ZNF99: variants seen among roughly 807,000 people sequenced by gnomAD.
The protein encoded by ZNF99 is zinc finger protein ENSP00000375192.
Under a neutral mutation model 12.8 loss-of-function variants are expected in ZNF99, and 8 were observed. That is an observed-to-expected ratio of 0.62 (90% CI 0.37 to 1.13). The LOEUF is 1.13. Ranked by LOEUF, ZNF99 falls within the 50% of genes most tolerant of loss-of-function variation. The probability of loss-of-function intolerance (pLI) is 0.02; values close to 1 mark genes in which losing one functional copy is unlikely to be tolerated. For missense variants in ZNF99, 1,007 were observed against 1,006.2 expected (o/e 1.00, Z -0.01); for synonymous variants, 318 against 319.0 (o/e 1.00, Z 0.03).
intron 3 of ZNF99, among the ~76,000 whole-genome samples, chr19:22,760,664 A>G (rs1302714081): frequency 6.6e-5 from 10 of 152,056 alleles, no homozygotes; most frequent in Non-Finnish European, 1.3e-4. Flanking sequence ...AAATGGCATG[A>G]ACCCGGGAGG....
chr19:22,754,538 G>C lies in ZNF99; in HGVS notation c.*2776C>G, dbSNP rs777375938. 1.9e-5 allele frequency: 8 copies of C among 428,546 alleles called. No individual in the cohort carries two copies. The highest frequency in any genetic ancestry group is 3.2e-5 in the Non-Finnish European group (7 of 217,690). 26.5% of individuals were successfully genotyped at this position (428,546 alleles called of 1,614,324 possible). A position where few individuals can be genotyped will look rare whatever the true frequency, so the allele number is the denominator to read the frequency against. ...TCTCTTATATTTAGTATGAGTTGAA[G>C]ACCAGTTAAAGACTTTGTTACATTC... On this transcript the variant is annotated 3_prime_UTR_variant, in exon 4 of 4. Coordinates refer to ENST00000596209, the MANE Select transcript of ZNF99 (RefSeq NM_001080409.3).
At chr19:22,782,949 T>C (rs1379698742) in intron 1 of ZNF99, among the ~76,000 whole-genome samples, 3 of 152,030 alleles carry the variant, frequency 2.0e-5, no homozygotes, top group Non-Finnish European at 4.4e-5. Flanking sequence ...ATTACAGGTG[T>C]AAGCCACCGA....
At chr19:22,775,726 A>C (rs1452435788) in intron 1 of ZNF99, among the ~76,000 whole-genome samples, 1 of 152,234 alleles carries the variant, frequency 6.6e-6, no homozygotes, top group Non-Finnish European at 1.5e-5. Flanking sequence ...CAACCTCCTT[A>C]AAAGTAAACA....
At chr19:22,777,553 A>G (rs1348228799) in intron 1 of ZNF99, among the ~76,000 whole-genome samples, 9 of 152,312 alleles carry the variant, frequency 5.9e-5, no homozygotes, top group East Asian at 1.9e-4. Context: ...AAAAAACTCT[A>G]TGGGTGAAAG....
intron 1 of ZNF99, among the ~76,000 whole-genome samples, chr19:22,781,401 C>T (rs1262089751): frequency 9.7e-6 from 1 of 102,762 alleles, no homozygotes; most frequent in East Asian, 3.0e-4. Context: ...TCATTGGGGT[C>T]ACTTTTTTTT....
chr19:22,773,727 T>A (rs1482858201), intron 1 of ZNF99: 1 of 152,244 alleles, frequency 6.6e-6, no homozygotes, highest in African/African-American at 2.4e-5. Context: ...CCTCTCCCGC[T>A]TGCACTCTCC....
At chr19:22,783,400 T>C (rs753778772) in intron 1 of ZNF99, among the ~76,000 whole-genome samples, 2 of 152,142 alleles carry the variant, frequency 1.3e-5, no homozygotes, top group Non-Finnish European at 2.9e-5. Flanking sequence ...TCTGATTATA[T>C]AAACGGGAAA....
rs61754908 is a variant in ZNF99 at position 22,755,628 on chromosome 19, C to G, written c.*1686G>C. ...AATTCTTTAAATTTGTAGTGTTCCT[C>G]TCCAAGATAAATTATTTTATGTTGA... is the stretch of plus-strand genomic sequence containing the variant. On this transcript the variant is annotated 3_prime_UTR_variant, in exon 4 of 4. Coordinates refer to ENST00000596209, the MANE Select transcript of ZNF99 (RefSeq NM_001080409.3). The G allele has an allele frequency of 0.083, 23,370 of 280,060 alleles. 1,022 individuals carry two copies. Among genetic ancestry groups the G allele is most frequent in the Middle Eastern group, 0.1 (89 of 858 alleles). The allele number at this position is 280,060 out of a possible 1,614,324, so 17.3% of individuals were successfully genotyped here. A position where few individuals can be genotyped will look rare whatever the true frequency, so the allele number is the denominator to read the frequency against.
chr19:22,757,069 A>C lies in ZNF99; in HGVS notation c.*245T>G, dbSNP rs1973071783. The C allele has an allele frequency of 6.2e-7, 1 of 1,612,506 alleles. No homozygotes were observed. The highest frequency in any genetic ancestry group is 1.3e-5 in the African/African-American group (1 of 74,752). On this transcript the variant is annotated 3_prime_UTR_variant, in exon 4 of 4. Transcript: ENST00000596209. ...ATTTCTCCCTAGTATGAATTAGCTT[A>C]TGTTTCTTAAGGGTTGAGGAATTGT...
chr19:22,754,421 A>G lies in ZNF99; in HGVS notation c.*2893T>C, dbSNP rs752645962. 9 of 403,898 alleles carry G rather than the reference A, an allele frequency of 2.2e-5. No homozygotes were observed. Among genetic ancestry groups the G allele is most frequent in the South Asian group, 1.4e-4 (8 of 55,352 alleles). The allele number at this position is 403,898 out of a possible 1,614,324, so 25.0% of individuals were successfully genotyped here. A position where few individuals can be genotyped will look rare whatever the true frequency, so the allele number is the denominator to read the frequency against. ...TTCACATTTGTAGAATTTCTCTACA[A>G]CATAAATTATCTTATGTGTAATAAG... On this transcript the variant is annotated 3_prime_UTR_variant, in exon 4 of 4. Transcript: ENST00000596209.
At position 22,753,585 on chromosome 19, in the gene ZNF99, T is replaced by C. The variant is rs1809913133; in HGVS notation, c.*3729A>G. 6.6e-6 allele frequency: 1 copy of C among 152,370 alleles called. No individual in the cohort carries two copies. Among genetic ancestry groups the C allele is most frequent in the Non-Finnish European group, 1.5e-5 (1 of 68,168 alleles). The allele number at this position is 152,370 out of a possible 1,614,324, so 9.4% of individuals were successfully genotyped here. ...CACAAAATATGCACAATAAGATCTG[T>C]GATACAAATATAGTACTACAACCGT... is the stretch of plus-strand genomic sequence containing the variant. On this transcript the variant is annotated 3_prime_UTR_variant, in exon 4 of 4. Coordinates refer to ENST00000596209, the MANE Select transcript of ZNF99 (RefSeq NM_001080409.3).
Position 22,767,852 on chromosome 19 carries a change from C to T in ZNF99, c.226+453G>A, listed in dbSNP as rs192440265. ...CAACAGACTGTACAAGAAGTATATG[C>T]CGGTATCTGTTTCTGGTGTGTTCTC... On this transcript the variant is annotated intron_variant, in intron 3 of 3. Transcript: ENST00000596209. Among the ~76,000 whole-genome samples the T allele has an allele frequency of 3.6e-3, 550 of 152,210 alleles. 6 individuals carry two copies. Among genetic ancestry groups the T allele is most frequent in the Non-Finnish European group, 2.7e-3 (181 of 68,036 alleles).
Position 22,759,600 on chromosome 19 carries a change from A to G in ZNF99, c.309T>C (p.Tyr103=). 1 of 1,607,928 alleles carries G rather than the reference A, an allele frequency of 6.2e-7. No homozygotes were observed. Among genetic ancestry groups the G allele is most frequent in the Non-Finnish European group, 8.5e-7 (1 of 1,178,376 alleles). ...DSFQEIILRT[Y]ARCGHKNLRL... ...GTAAATTCTTATGTCCACATCTTGC[A>G]TATGTTCTCAATATTATTTCTTGGA... Residue 103 remains tyrosine, a synonymous_variant, in exon 4 of 4, where the codon TAT becomes TAC. Coordinates refer to ENST00000596209, the MANE Select transcript of ZNF99 (RefSeq NM_001080409.3).
intron 3 of ZNF99, among the ~76,000 whole-genome samples, chr19:22,764,081 G>A (rs1973179284): frequency 1.3e-5 from 2 of 151,500 alleles, no homozygotes; most frequent in South Asian, 4.2e-4. Context: ...GCTAATTTTT[G>A]TATTTTTAGT....
chr19:22,759,761 T>C (rs1973130308), intron 3 of ZNF99, 79 bp from the exon 4 acceptor site: 4 of 1,087,944 alleles, frequency 3.7e-6, no homozygotes, highest in Non-Finnish European at 5.0e-6. Flanking sequence ...CCTATAAAAT[T>C]ATACAAACCG....
At position 22,758,180 on chromosome 19, in the gene ZNF99, A is replaced by G. The variant is rs766054945; in HGVS notation, c.1729T>C (p.Ser577Pro). The change falls in exon 4 of 4, where the codon TCT becomes CCT. Residue 577 changes from serine (S) to proline (P), a missense_variant. Coordinates refer to ENST00000596209, the MANE Select transcript of ZNF99 (RefSeq NM_001080409.3). ...CEECGKAFKQSSHLTRHKAIH... is the reference protein window; with the variant it reads ...CEECGKAFKQPSHLTRHKAIH... ...GCTTTATGTCTAGTAAGATGTGAAG[A>G]TTGCTTAAAAGCTTTGCCACATTCT... 36 of 1,613,494 alleles carry G rather than the reference A, an allele frequency of 2.2e-5. No homozygotes were observed. The highest frequency in any genetic ancestry group is 1.2e-4 in the Admixed American group (7 of 59,972).
chr19:22,782,536 A>AT (rs1258495716), intron 1 of ZNF99, among the ~76,000 whole-genome samples: 1 of 148,388 alleles, frequency 6.7e-6, no homozygotes, highest in Non-Finnish European at 1.5e-5. Context: ...TAATTTTTGT[A>AT]TTTTTAGTAG....
intron 1 of ZNF99, among the ~76,000 whole-genome samples, chr19:22,782,365 CT>C (rs893117659): frequency 2.1e-5 from 3 of 144,786 alleles, no homozygotes; most frequent in African/African-American, 5.2e-5. Context: ...TTTTTTTTTT[CT>C]TTTTTTTTAA....
In ZNF99 at chr19:22,759,573, T is replaced by C. The variant is rs1467845588; in HGVS notation, c.336A>G (p.Arg112=). The C allele has an allele frequency of 1.2e-6, 2 of 1,611,786 alleles. No individual in the cohort carries two copies. Among genetic ancestry groups the C allele is most frequent in the Non-Finnish European group, 8.5e-7 (1 of 1,179,310 alleles). Reference sequence around the variant, plus strand: ...TGACACTTTCACAATCTTTTCTTAATCGTAAATTCTTATGTCCACATCTTG... The same window carrying C: ...TGACACTTTCACAATCTTTTCTTAACCGTAAATTCTTATGTCCACATCTTG... ...TYARCGHKNL[R]LRKDCESVNE... Residue 112 remains arginine (R), a synonymous_variant, in exon 4 of 4, where the codon CGA becomes CGG. Coordinates refer to ENST00000596209, the MANE Select transcript of ZNF99 (RefSeq NM_001080409.3).
Sources: allele counts gnomAD v4.1 joint callset (sites outside exome capture counted in the v4.1 genomes callset), GRCh38; gene constraint gnomAD v4.1.1; transcripts MANE v1.5; gene names NCBI Gene and HGNC (gene_info 2026-07-23, HGNC 2026-07-21).